TAS2R1: variants seen among roughly 807,000 people sequenced by gnomAD.
TAS2R1 encodes the protein taste receptor type 2 member 1.
For synonymous variants in TAS2R1, 141 were observed against 134.2 expected (o/e 1.05, Z -0.35); for missense variants, 370 against 353.4 (o/e 1.05, Z -0.38).
chr5:9,876,012 C>A, the TAS2R1 span, among the ~76,000 whole-genome samples: 1 of 152,106 alleles, frequency 6.6e-6, no homozygotes, highest in Non-Finnish European at 1.5e-5. Context: ...CATCTACATA[C>A]CCAACTATGG....
the TAS2R1 span, among the ~76,000 whole-genome samples, chr5:9,718,385 CAA>C: frequency 2.0e-5 from 3 of 151,972 alleles, no homozygotes; most frequent in African/African-American, 4.8e-5. Flanking sequence ...GATCAAAAAC[CAA>C]AAGTCCTACA....
At chr5:9,837,170 G>A in the TAS2R1 span, among the ~76,000 whole-genome samples, 1 of 152,104 alleles carries the variant, frequency 6.6e-6, no homozygotes, top group South Asian at 2.1e-4. Flanking sequence ...ATGCACATAT[G>A]CACACATACA....
At chr5:9,716,316 G>A (rs1386819335), upstream of TAS2R1, among the ~76,000 whole-genome samples, 5 of 152,056 alleles carry the variant, frequency 3.3e-5, no homozygotes, top group Admixed American at 1.3e-4. Flanking sequence ...CAGGACTCTG[G>A]TTTTGCTGAG....
the TAS2R1 span, among the ~76,000 whole-genome samples, chr5:9,871,270 G>A: frequency 6.6e-6 from 1 of 152,214 alleles, no homozygotes; most frequent in Admixed American, 6.5e-5. Flanking sequence ...GACAATTCTA[G>A]ATGATTACAG....
the TAS2R1 span, among the ~76,000 whole-genome samples, chr5:9,804,804 A>G: frequency 2.6e-5 from 4 of 152,294 alleles, no homozygotes; most frequent in Non-Finnish European, 5.9e-5. Flanking sequence ...AAAAGCACAA[A>G]TAGACAATCT....
the TAS2R1 span, among the ~76,000 whole-genome samples, chr5:9,767,515 G>A: frequency 1.3e-5 from 2 of 152,060 alleles, no homozygotes; most frequent in Non-Finnish European, 2.9e-5. Flanking sequence ...GTCATTGAAG[G>A]GCTTCATCAA....
the TAS2R1 span, among the ~76,000 whole-genome samples, chr5:9,759,401 A>G: frequency 3.9e-5 from 6 of 152,172 alleles, no homozygotes; most frequent in African/African-American, 1.4e-4. Context: ...AATGTTGTCA[A>G]TGAAAGATCA....
At chr5:9,759,263 C>T in the TAS2R1 span, among the ~76,000 whole-genome samples, 1 of 152,152 alleles carries the variant, frequency 6.6e-6, no homozygotes, top group Non-Finnish European at 1.5e-5. Context: ...AAACCATGGG[C>T]TCAGTCTCTC....
chr5:9,754,002 T>C, the TAS2R1 span, among the ~76,000 whole-genome samples: 31 of 152,066 alleles, frequency 2.0e-4, no homozygotes, highest in African/African-American at 7.2e-4. Flanking sequence ...AGTGTGAAAA[T>C]CCTCAATAAA....
the TAS2R1 span, among the ~76,000 whole-genome samples, chr5:9,820,735 C>T: frequency 6.6e-6 from 1 of 152,202 alleles, no homozygotes. Context: ...TCAAACTCTG[C>T]TTTATGAAAC....
the TAS2R1 span, among the ~76,000 whole-genome samples, chr5:9,753,372 C>T: frequency 2.8e-4 from 43 of 152,280 alleles, no homozygotes; most frequent in East Asian, 7.9e-3. Context: ...TGTTCATATC[C>T]TTTGCCCACT....
the TAS2R1 span, among the ~76,000 whole-genome samples, chr5:9,725,810 G>A: frequency 6.6e-6 from 1 of 152,268 alleles, no homozygotes; most frequent in African/African-American, 2.4e-5. Context: ...GTGGGGACGT[G>A]GAGAACCTTT....
At chr5:9,747,509 G>A in the TAS2R1 span, among the ~76,000 whole-genome samples, 2 of 152,124 alleles carry the variant, frequency 1.3e-5, no homozygotes, top group African/African-American at 4.8e-5. Context: ...AAGAGGTGAG[G>A]AGGTGCTGGG....
chr5:9,746,302 T>C, the TAS2R1 span, among the ~76,000 whole-genome samples: 1 of 152,174 alleles, frequency 6.6e-6, no homozygotes, highest in South Asian at 2.1e-4. Flanking sequence ...ATAGGAACAC[T>C]ATTACACTAT....
chr5:9,890,142 CCA>C, the TAS2R1 span, among the ~76,000 whole-genome samples: 1 of 151,940 alleles, frequency 6.6e-6, no homozygotes, highest in Admixed American at 6.6e-5. Context: ...AGAAGAAATC[CCA>C]CAGTTTTCAT....
the TAS2R1 span, among the ~76,000 whole-genome samples, chr5:9,816,020 G>T: frequency 2.0e-5 from 3 of 152,086 alleles, no homozygotes; most frequent in Non-Finnish European, 4.4e-5. Flanking sequence ...ACCCAACTTT[G>T]AATTGATTGT....
At chr5:9,813,843 T>C in the TAS2R1 span, among the ~76,000 whole-genome samples, 5 of 152,342 alleles carry the variant, frequency 3.3e-5, no homozygotes, top group African/African-American at 1.2e-4. Flanking sequence ...ACCCTCCAGA[T>C]TGGCTGGTCT....
intron 2 of TAS2R1, among the ~76,000 whole-genome samples, chr5:9,654,679 G>T (rs1386019493): frequency 6.6e-6 from 1 of 152,216 alleles, no homozygotes; most frequent in African/African-American, 2.4e-5. Context: ...TGAACAAGTG[G>T]TTAAGCCACT....
the TAS2R1 span, among the ~76,000 whole-genome samples, chr5:9,846,923 C>T: frequency 2.0e-5 from 3 of 152,186 alleles, no homozygotes; most frequent in Non-Finnish European, 4.4e-5. Flanking sequence ...TCAGGTGTAA[C>T]CATGGGCAGC....
Sources: allele counts gnomAD v4.1 joint callset (sites outside exome capture counted in the v4.1 genomes callset), GRCh38; gene constraint gnomAD v4.1.1; transcripts MANE v1.5; gene names NCBI Gene and HGNC (gene_info 2026-07-23, HGNC 2026-07-21).